Variants in COL28A1 observed in about 807,000 individuals in gnomAD.
COL28A1 encodes the protein collagen alpha-1(XXVIII) chain.
COL28A1 carries 161 observed loss-of-function variants against 150.2 expected under a neutral mutation model. The ratio of observed to expected loss-of-function variants is 1.07; its 90% confidence interval spans 0.94 to 1.22. The LOEUF is 1.22. COL28A1 is among the 50% of genes most tolerant of loss of function. The pLI is 0.00. For missense variants in COL28A1, 1,617 were observed against 1,388.3 expected, an observed-to-expected ratio of 1.16 and a Z score of -2.62; for synonymous variants, 552 against 469.7, an observed-to-expected ratio of 1.18 and a Z score of -2.26.
At chr7:7,501,220 C>T (rs577487121) in intron 11 of COL28A1, among the ~76,000 whole-genome samples, 26 of 152,258 alleles carry the variant, frequency 1.7e-4, no homozygotes, top group South Asian at 4.1e-4. Context: ...ATATTATGAA[C>T]GTCCTAGAGT....
intron 27 of COL28A1, among the ~76,000 whole-genome samples, chr7:7,383,274 GTGTGTGTGTGTGTGTTTT>G (rs1458477627): frequency 7.2e-6 from 1 of 139,346 alleles, no homozygotes; most frequent in African/African-American, 3.0e-5. Flanking sequence ...GTGTGTGTGT[GTGTGTGTGTGTGTGTTTT>G]TTTTGAGACA....
At chr7:7,349,769 G>T in the COL28A1 span, among the ~76,000 whole-genome samples, 1 of 152,002 alleles carries the variant, frequency 6.6e-6, no homozygotes, top group African/African-American at 2.4e-5. Context: ...TCTGTTTTTG[G>T]TTGTTTCAGG....
intron 25 of COL28A1, among the ~76,000 whole-genome samples, chr7:7,427,412 T>A (rs1784704785): frequency 6.6e-6 from 1 of 152,244 alleles, no homozygotes; most frequent in African/African-American, 2.4e-5. Flanking sequence ...TTAACTTCAT[T>A]AAGTCTGTAT....
At chr7:7,371,258 C>G (rs373419410) in intron 32 of COL28A1, among the ~76,000 whole-genome samples, 1 of 152,184 alleles carries the variant, frequency 6.6e-6, no homozygotes, top group African/African-American at 2.4e-5. Flanking sequence ...AAATTACTAA[C>G]TCCAGATATA....
At chr7:7,525,630 G>A (rs1474798429) in intron 3 of COL28A1, among the ~76,000 whole-genome samples, 1 of 152,186 alleles carries the variant, frequency 6.6e-6, no homozygotes, top group Non-Finnish European at 1.5e-5. Flanking sequence ...ATAAGAGTAT[G>A]TAGCTTTATG....
chr7:7,433,637 TAAAA>T (rs35394135), intron 23 of COL28A1, among the ~76,000 whole-genome samples: 2 of 132,134 alleles, frequency 1.5e-5, no homozygotes. Context: ...CTGTCTCATT[TAAAA>T]AAAAAAAAAA....
intron 27 of COL28A1, among the ~76,000 whole-genome samples, chr7:7,404,801 GTC>G (rs1352824099): frequency 6.6e-6 from 1 of 151,934 alleles, no homozygotes; most frequent in Non-Finnish European, 1.5e-5. Flanking sequence ...TCTCATTTTT[GTC>G]TCTTTTGCTT....
chr7:7,385,940 A>T (rs1278503700), intron 27 of COL28A1, among the ~76,000 whole-genome samples: 1 of 152,236 alleles, frequency 6.6e-6, no homozygotes, highest in African/African-American at 2.4e-5. Flanking sequence ...ATCTTGGCAG[A>T]GGTGAATGCT....
intron 27 of COL28A1, 193 bp downstream of exon 27, chr7:7,417,666 A>T: frequency 1.7e-6 from 1 of 601,696 alleles, no homozygotes; most frequent in Non-Finnish European, 2.9e-6. Context: ...TATAATGTTT[A>T]GCATTTGCTG....
At chr7:7,440,711 C>T in intron 21 of COL28A1, 79 bp downstream of exon 21, 1 of 611,834 alleles carries the variant, frequency 1.6e-6, no homozygotes, top group Admixed American at 2.6e-5. Context: ...ATCCAATTTT[C>T]AGTGGAAATT....
At chr7:7,365,528 T>A (rs1309271222) in intron 33 of COL28A1, among the ~76,000 whole-genome samples, 3 of 152,160 alleles carry the variant, frequency 2.0e-5, no homozygotes, top group African/African-American at 7.2e-5. Context: ...CAGTGCAGTA[T>A]CCCAAGAACA....
At position 7,444,638 on chromosome 7, in the gene COL28A1, C is replaced by T. The variant is rs890387637; in HGVS notation, c.1510-149G>A. The stretch of plus-strand genomic sequence containing the variant: ...TAAACTATTTGATCTTGGGAAGCTA[C>T]TTAACATCCCTAGGCCTTAGTTTTT... On this transcript the variant is annotated intron_variant, in intron 18 of 34. Coordinates refer to ENST00000399429, the MANE Select transcript of COL28A1 (RefSeq NM_001037763.3). 5.5e-6 allele frequency: 4 copies of T among 723,224 alleles called. No homozygotes were observed. In the African/African-American group the frequency reaches 7.2e-5, roughly 13 times the overall value. 44.8% of individuals were successfully genotyped at this position (723,224 alleles called of 1,614,324 possible).
intron 27 of COL28A1, among the ~76,000 whole-genome samples, chr7:7,393,596 G>T (rs545528239): frequency 8.5e-6 from 1 of 117,712 alleles, no homozygotes; most frequent in Non-Finnish European, 1.7e-5. Context: ...GGAGACGGGG[G>T]TTTTATCTAT....
intron 13 of COL28A1, among the ~76,000 whole-genome samples, chr7:7,477,652 G>A (rs1789013800): frequency 6.6e-6 from 1 of 152,206 alleles, no homozygotes; most frequent in African/African-American, 2.4e-5. Flanking sequence ...CTGGCTTCAG[G>A]AGTGAAGCTG....
chr7:7,488,087 C>T (rs1033492964), intron 13 of COL28A1, among the ~76,000 whole-genome samples: 4 of 152,090 alleles, frequency 2.6e-5, no homozygotes, highest in African/African-American at 9.7e-5. Flanking sequence ...CATGTCAACC[C>T]GCAAAATCAT....
intron 11 of COL28A1, among the ~76,000 whole-genome samples, chr7:7,500,507 A>T (rs1438382178): frequency 6.6e-6 from 1 of 152,224 alleles, no homozygotes; most frequent in Non-Finnish European, 1.5e-5. Context: ...TTCCTATCTG[A>T]AAGAAGACTA....
intron 15 of COL28A1, among the ~76,000 whole-genome samples, chr7:7,456,410 T>C (rs2128334636): frequency 6.6e-6 from 1 of 152,254 alleles, no homozygotes; most frequent in East Asian, 1.9e-4. Flanking sequence ...CACAAACATT[T>C]CCTGCTAAGA....
chr7:7,462,919 T>C (rs1232628156), intron 15 of COL28A1, among the ~76,000 whole-genome samples: 2 of 149,322 alleles, frequency 1.3e-5, no homozygotes, highest in Non-Finnish European at 3.0e-5. Context: ...CTCTCAGTAA[T>C]ACAATTTAAC....
chr7:7,489,777 C>T (rs1362045191), intron 12 of COL28A1, among the ~76,000 whole-genome samples: 1 of 152,178 alleles, frequency 6.6e-6, no homozygotes, highest in Non-Finnish European at 1.5e-5. Context: ...AATGTGTGTG[C>T]TGTGCCCTGC....
Sources: gnomAD v4.1 joint callset for allele counts (sites outside exome capture counted in the v4.1 genomes callset) on GRCh38, gnomAD v4.1.1 for gene constraint, MANE v1.5 for transcripts, NCBI Gene and HGNC (gene_info 2026-07-23, HGNC 2026-07-21) for gene names.